ACAP2: variants seen among roughly 807,000 people sequenced by gnomAD.
ACAP2 encodes the protein arf-GAP with coiled-coil, ANK repeat and PH domain-containing protein 2.
A neutral mutation model predicts 115.8 loss-of-function variants in ACAP2; 39 were observed. The observed-to-expected ratio is 0.34, with a 90% CI of 0.26 to 0.44. The LOEUF (loss-of-function observed/expected upper bound fraction) is 0.44, where lower values mean the gene tolerates loss of function less well. ACAP2 is among the 20% of genes least tolerant of loss of function. The pLI is 1.00. For synonymous variants in ACAP2, 289 were observed against 315.8 expected (o/e 0.92, Z 0.90); for missense variants, 662 against 927.6 (o/e 0.71, Z 3.72).
At chr3:195,337,446 C>CTTTTTTTT (rs11411412) in intron 6 of ACAP2, among the ~76,000 whole-genome samples, 1 of 131,552 alleles carries the variant, frequency 7.6e-6, no homozygotes, top group Non-Finnish European at 1.6e-5. Context: ...AACCAGTCAT[C>CTTTTTTTT]TTTTTTTTTT....
rs907734186 is a variant in ACAP2 at position 195,413,985 on chromosome 3, GA to G, written c.54-21839del. Among the ~76,000 whole-genome samples, 15 of 137,578 alleles carry G rather than the reference GA, an allele frequency of 1.1e-4. No homozygotes were observed. The East Asian group carries it at 3.7e-3, about 34-fold the overall frequency. 90.3% of individuals were successfully genotyped at this position (137,578 alleles called of 152,430 possible). A position where few individuals can be genotyped will look rare whatever the true frequency, so the allele number is the denominator to read the frequency against. On this transcript the variant is annotated intron_variant, in intron 1 of 22. Coordinates refer to ENST00000326793, the MANE Select transcript of ACAP2 (RefSeq NM_012287.6). ...ATGAGACCCTGTCTCTTTAAAAAAA[GA>G]AAAAAAAAGAAAGAAAAAGAAAAAA...
At chr3:195,379,482 A>C (rs1230192699) in intron 4 of ACAP2, among the ~76,000 whole-genome samples, 2 of 152,166 alleles carry the variant, frequency 1.3e-5, no homozygotes, top group African/African-American at 4.8e-5. Flanking sequence ...AACAACAACA[A>C]CACAAGCCCA....
intron 4 of ACAP2, among the ~76,000 whole-genome samples, chr3:195,363,322 G>A (rs911757971): frequency 1.3e-5 from 2 of 152,152 alleles, no homozygotes; most frequent in African/African-American, 4.8e-5. Flanking sequence ...GACATTCTAT[G>A]TTCATGAATT....
chr3:195,406,900 A>C (rs1004792322), intron 1 of ACAP2, among the ~76,000 whole-genome samples: 2 of 152,198 alleles, frequency 1.3e-5, no homozygotes, highest in African/African-American at 4.8e-5. Flanking sequence ...AGGAGAAAGA[A>C]ATGTAAACTA....
chr3:195,386,151 G>T (rs1734283837), intron 2 of ACAP2, among the ~76,000 whole-genome samples: 1 of 152,168 alleles, frequency 6.6e-6, no homozygotes, highest in Non-Finnish European at 1.5e-5. Flanking sequence ...ACCAAATATT[G>T]TATTATTCCA....
At chr3:195,330,735 T>C (rs73069064) in intron 8 of ACAP2, among the ~76,000 whole-genome samples, 1 of 152,360 alleles carries the variant, frequency 6.6e-6, no homozygotes, top group African/African-American at 2.4e-5. Context: ...GCAGGTCACG[T>C]GGCTACCTGG....
At chr3:195,375,147 G>A (rs143468084) in intron 4 of ACAP2, among the ~76,000 whole-genome samples, 3,423 of 151,552 alleles carry the variant, frequency 0.023, 117 homozygotes, top group African/African-American at 0.077. Context: ...AGCTAAGATC[G>A]CACCACTGCA....
At chr3:195,365,579 A>C (rs1473311094) in intron 4 of ACAP2, among the ~76,000 whole-genome samples, 4 of 152,012 alleles carry the variant, frequency 2.6e-5, no homozygotes, top group Non-Finnish European at 2.9e-5. Flanking sequence ...AAAAAAAAAA[A>C]ACACATTAAG....
At chr3:195,330,801 T>C (rs112383600) in intron 8 of ACAP2, among the ~76,000 whole-genome samples, 3 of 152,290 alleles carry the variant, frequency 2.0e-5, no homozygotes, top group African/African-American at 7.2e-5. Flanking sequence ...GGACTTGGCA[T>C]TGGGATATAT....
intron 7 of ACAP2, among the ~76,000 whole-genome samples, chr3:195,335,007 C>T (rs1331699228): frequency 2.0e-5 from 3 of 152,098 alleles, no homozygotes; most frequent in Non-Finnish European, 4.4e-5. Flanking sequence ...TTTATCAGGG[C>T]TCACCACCTG....
At chr3:195,367,184 C>T (rs948013097) in intron 4 of ACAP2, among the ~76,000 whole-genome samples, 3 of 152,018 alleles carry the variant, frequency 2.0e-5, no homozygotes, top group African/African-American at 7.2e-5. Context: ...TGTTCAAACA[C>T]AGATTGCTAG....
At chr3:195,288,274 T>A (rs1408329594) in intron 21 of ACAP2, among the ~76,000 whole-genome samples, 1 of 152,228 alleles carries the variant, frequency 6.6e-6, no homozygotes, top group Non-Finnish European at 1.5e-5. Flanking sequence ...TGGCTTGGCT[T>A]CTTTTTCTAT....
chr3:195,399,620 G>A (rs57390462), intron 1 of ACAP2, among the ~76,000 whole-genome samples: 45,732 of 149,490 alleles, frequency 0.31, 7,882 homozygotes, highest in East Asian at 0.81. Context: ...AAAAAGTAGC[G>A]AAAAAAAAAA....
intron 7 of ACAP2, among the ~76,000 whole-genome samples, chr3:195,334,750 A>G (rs1008205719): frequency 2.6e-5 from 4 of 152,166 alleles, no homozygotes; most frequent in Admixed American, 2.0e-4. Context: ...TTCACACAAT[A>G]TTAGGGGAAA....
chr3:195,442,855 C>A lies in ACAP2; in HGVS notation c.-8G>T. 6.6e-7 allele frequency: 1 copy of A among 1,515,062 alleles called. No individual in the cohort carries two copies. Among genetic ancestry groups the A allele is most frequent in the Non-Finnish European group, 8.8e-7 (1 of 1,131,824 alleles). 93.9% of individuals were successfully genotyped at this position (1,515,062 alleles called of 1,614,324 possible). A position where few individuals can be genotyped will look rare whatever the true frequency, so the allele number is the denominator to read the frequency against. The stretch of plus-strand genomic sequence containing the variant: ...ATCCACAGTCATCTTCATCCTGCCT[C>A]CGCCTCGCAGGCGGCGCTGGCAAAG... On this transcript the variant is annotated 5_prime_UTR_variant, in exon 1 of 23. Transcript: ENST00000326793.
chr3:195,335,816 G>A (rs1328321317), intron 7 of ACAP2: 4 of 151,016 alleles, frequency 2.6e-5, no homozygotes, highest in African/African-American at 9.7e-5. Flanking sequence ...ATTCAGAGTT[G>A]AGAGATTATT....
intron 4 of ACAP2, among the ~76,000 whole-genome samples, chr3:195,356,736 A>G (rs1321316001): frequency 6.6e-6 from 1 of 152,016 alleles, no homozygotes; most frequent in African/African-American, 2.4e-5. Context: ...ACCCTGGGCC[A>G]GAAGGAACCT....
At chr3:195,407,585 T>C (rs546928898) in intron 1 of ACAP2, among the ~76,000 whole-genome samples, 1 of 152,008 alleles carries the variant, frequency 6.6e-6, no homozygotes, top group Non-Finnish European at 1.5e-5. Context: ...TGCATGCCTA[T>C]AGCCCCAGCT....
At chr3:195,435,239 C>T (rs547574143) in intron 1 of ACAP2, among the ~76,000 whole-genome samples, 108 of 151,588 alleles carry the variant, frequency 7.1e-4, no homozygotes, top group African/African-American at 2.6e-3. Context: ...CAGTGGCGTA[C>T]TCTTGGCTCA....
Sources: allele counts gnomAD v4.1 joint callset (sites outside exome capture counted in the v4.1 genomes callset), GRCh38; gene constraint gnomAD v4.1.1; transcripts MANE v1.5; gene names NCBI Gene and HGNC (gene_info 2026-07-23, HGNC 2026-07-21).